EPHA6: variants seen among roughly 807,000 people sequenced by gnomAD.
EPHA6 encodes EPH receptor A6.
A neutral mutation model predicts 112.0 loss-of-function variants in EPHA6; 50 were observed. That is an observed-to-expected ratio of 0.45 (90% confidence interval 0.36 to 0.56). The LOEUF (loss-of-function observed/expected upper bound fraction) is 0.56, where lower values mean the gene tolerates loss of function less well. EPHA6 is among the 20% of genes least tolerant of loss of function. The probability of loss-of-function intolerance (pLI) is 0.00; values close to 1 mark genes in which losing one functional copy is unlikely to be tolerated. For missense variants in EPHA6, 1,280 were observed against 1,417.4 expected, an observed-to-expected ratio of 0.90 and a Z score of 1.56; for synonymous variants, 529 against 490.7, an observed-to-expected ratio of 1.08 and a Z score of -1.03.
intron 12 of EPHA6, among the ~76,000 whole-genome samples, chr3:97,594,467 A>G (rs887923896): frequency 6.6e-6 from 1 of 152,202 alleles, no homozygotes; most frequent in African/African-American, 2.4e-5. Context: ...TAAAAAATGT[A>G]TAGATCTAAA....
chr3:96,824,667 A>G (rs975992779), intron 1 of EPHA6, among the ~76,000 whole-genome samples: 1 of 152,052 alleles, frequency 6.6e-6, no homozygotes, highest in African/African-American at 2.4e-5. Flanking sequence ...AATTAAAACA[A>G]TTTTTAAATA....
chr3:96,821,596 A>G (rs1178213023), intron 1 of EPHA6, among the ~76,000 whole-genome samples: 1 of 151,884 alleles, frequency 6.6e-6, no homozygotes. Flanking sequence ...CCCAGAATAT[A>G]TGATCCAGTA....
intron 3 of EPHA6, among the ~76,000 whole-genome samples, chr3:97,035,036 T>G (rs965053326): frequency 5.3e-5 from 8 of 151,988 alleles, no homozygotes; most frequent in African/African-American, 1.9e-4. Flanking sequence ...TTAAATCCTA[T>G]TCCTTCTTTT....
chr3:97,249,666 T>C (rs979471241), intron 5 of EPHA6, among the ~76,000 whole-genome samples: 29 of 152,306 alleles, frequency 1.9e-4, no homozygotes, highest in African/African-American at 5.5e-4. Context: ...TTTTAATAAT[T>C]TGCCTTTCCA....
At chr3:96,859,532 CA>C (rs2035890616) in intron 1 of EPHA6, among the ~76,000 whole-genome samples, 1 of 151,974 alleles carries the variant, frequency 6.6e-6, no homozygotes, top group Admixed American at 6.6e-5. Flanking sequence ...CAGGCACACA[CA>C]ACCACACCTG....
At chr3:97,429,679 G>T (rs887280876) in intron 6 of EPHA6, among the ~76,000 whole-genome samples, 1 of 151,946 alleles carries the variant, frequency 6.6e-6, no homozygotes, top group Non-Finnish European at 1.5e-5. Context: ...TTCCTTTCTT[G>T]GATGTACAAA....
At position 96,954,773 on chromosome 3, in the gene EPHA6, C is replaced by CTTTTTTTTTT. The variant is rs10612575; in HGVS notation, c.451-32535_451-32526dup. On this transcript the variant is annotated intron_variant, in intron 2 of 17. Transcript: ENST00000389672. ...TAGTCTTAAATTTTTACTGGTGTGC[C>CTTTTTTTTTT]TTTTTTTTTTTTTTTTTTTTTTTTT... Among the ~76,000 whole-genome samples the CTTTTTTTTTT allele has an allele frequency of 1.0e-3, 76 of 72,694 alleles. 6 individuals are homozygous for CTTTTTTTTTT. Among genetic ancestry groups the CTTTTTTTTTT allele is most frequent in the African/African-American group, 3.9e-3 (71 of 18,176 alleles). The allele number at this position is 72,694 out of a possible 152,430, so 47.7% of individuals were successfully genotyped here. A position where few individuals can be genotyped will look rare whatever the true frequency, so the allele number is the denominator to read the frequency against.
intron 11 of EPHA6, among the ~76,000 whole-genome samples, chr3:97,547,860 C>G (rs1302545796): frequency 6.6e-6 from 1 of 152,226 alleles, no homozygotes; most frequent in Non-Finnish European, 1.5e-5. Flanking sequence ...GTAGGACCCT[C>G]CAAGCCATGT....
intron 1 of EPHA6, among the ~76,000 whole-genome samples, chr3:96,831,794 G>C (rs990668852): frequency 6.6e-6 from 1 of 151,942 alleles, no homozygotes; most frequent in African/African-American, 2.4e-5. Flanking sequence ...TTACTTATAA[G>C]ATATTAGATA....
At chr3:97,444,280 CCCA>C (rs1435131429) in intron 6 of EPHA6, among the ~76,000 whole-genome samples, 1 of 151,908 alleles carries the variant, frequency 6.6e-6, no homozygotes, top group Non-Finnish European at 1.5e-5. Flanking sequence ...TCCCAATAGG[CCCA>C]AAGACTTTAG....
intron 5 of EPHA6, among the ~76,000 whole-genome samples, chr3:97,402,762 G>A (rs1336287161): frequency 6.6e-6 from 1 of 152,092 alleles, no homozygotes; most frequent in Non-Finnish European, 1.5e-5. Context: ...CAAAAATAAT[G>A]TTCCCATTGA....
intron 10 of EPHA6, among the ~76,000 whole-genome samples, chr3:97,502,222 G>A (rs1382491890): frequency 6.9e-6 from 1 of 144,546 alleles, no homozygotes; most frequent in African/African-American, 2.6e-5. Flanking sequence ...ACGCTGGAGT[G>A]CAATGGTGCA....
chr3:97,187,157 G>A (rs1463189328), intron 3 of EPHA6, among the ~76,000 whole-genome samples: 1 of 152,092 alleles, frequency 6.6e-6, no homozygotes, highest in African/African-American at 2.4e-5. Flanking sequence ...GTTTAGTCCT[G>A]TGGCTCTTTT....
At chr3:97,012,640 T>A (rs1373001614) in intron 3 of EPHA6, among the ~76,000 whole-genome samples, 4 of 147,054 alleles carry the variant, frequency 2.7e-5, no homozygotes, top group Admixed American at 2.1e-4. Context: ...TTTTTTTTTT[T>A]AAAGAAACTG....
chr3:97,023,370 C>T (rs1276560019), intron 3 of EPHA6, among the ~76,000 whole-genome samples: 1 of 152,136 alleles, frequency 6.6e-6, no homozygotes, highest in African/African-American at 2.4e-5. Flanking sequence ...TGAGCCACCG[C>T]TCTCGGCCCT....
intron 9 of EPHA6, chr3:97,481,144 T>C (rs2091531464): frequency 4.2e-6 from 3 of 708,590 alleles, no homozygotes; most frequent in Non-Finnish European, 7.6e-6. Flanking sequence ...GTGGAGGTTG[T>C]AGAGAGCCGA....
chr3:97,559,816 G>A (rs4857273), intron 11 of EPHA6, among the ~76,000 whole-genome samples: 25,613 of 151,758 alleles, frequency 0.17, 2,558 homozygotes, highest in Admixed American at 0.26. Context: ...TCTCATTAAG[G>A]GATGCAGCTC....
At chr3:97,077,605 C>G (rs917875678) in intron 3 of EPHA6, among the ~76,000 whole-genome samples, 1 of 149,614 alleles carries the variant, frequency 6.7e-6, no homozygotes, top group Non-Finnish European at 1.5e-5. Flanking sequence ...CAAGTGTTCT[C>G]ATTGTTCATT....
At chr3:97,190,630 T>G (rs2108476646) in intron 3 of EPHA6, among the ~76,000 whole-genome samples, 1 of 152,238 alleles carries the variant, frequency 6.6e-6, no homozygotes, top group South Asian at 2.1e-4. Flanking sequence ...TATATATATT[T>G]ATGATATGCA....
Sources: allele counts gnomAD v4.1 joint callset (sites outside exome capture counted in the v4.1 genomes callset), GRCh38; gene constraint gnomAD v4.1.1; transcripts MANE v1.5; gene names NCBI Gene and HGNC (gene_info 2026-07-23, HGNC 2026-07-21).